ARID1A: variants seen among roughly 807,000 people sequenced by gnomAD.
ARID1A encodes AT-rich interactive domain-containing protein 1A.
ARID1A carries 20 observed loss-of-function variants against 212.6 expected under a neutral mutation model. That is an observed-to-expected ratio of 0.09 (90% CI 0.07 to 0.14). The LOEUF is 0.14. ARID1A is among the 10% of genes least tolerant of loss of function. The pLI, the probability that ARID1A is intolerant of heterozygous loss-of-function variation, is 1.00. For synonymous variants in ARID1A, 1,376 were observed against 1,222.1 expected, an observed-to-expected ratio of 1.13 and a Z score of -2.63; for missense variants, 2,587 against 3,059.0, an observed-to-expected ratio of 0.85 and a Z score of 3.64.
intron 4 of ARID1A, among the ~76,000 whole-genome samples, chr1:26,751,036 C>T (rs999698073): frequency 1.3e-5 from 2 of 151,996 alleles, no homozygotes; most frequent in African/African-American, 4.8e-5. Context: ...GGGTGGATCA[C>T]TTGAGGTCAG....
At position 26,771,569 on chromosome 1, in the gene ARID1A, G is replaced by A; in HGVS notation, c.3406+243G>A. ...TTGTGCAGCTGACAACTTGCCAAAT[G>A]TTTGTAAACTGGTGAATGGGAGGGG... On this transcript the variant is annotated intron_variant, in intron 12 of 19. Transcript: ENST00000324856. This position sits in a 1 kb window ranked among gnomAD's most constrained non-coding sequence, Gnocchi z 5.4. The A allele has an allele frequency of 1.8e-6, 1 of 543,012 alleles. No individual in the cohort carries two copies. The highest frequency in any genetic ancestry group is 3.3e-6 in the Non-Finnish European group (1 of 304,206). The allele number at this position is 543,012 out of a possible 1,614,324, so 33.6% of individuals were successfully genotyped here.
At position 26,762,277 on chromosome 1, in the gene ARID1A, A is replaced by C. The variant is rs372272181; in HGVS notation, c.2377A>C (p.Met793Leu). Reference sequence around the variant, plus strand: ...CATGGGCTCCTACCAGCAGAACTCCATGGGGAGCTATGGTCCCCAGGGGGG... The same window carrying C: ...CATGGGCTCCTACCAGCAGAACTCCCTGGGGAGCTATGGTCCCCAGGGGGG... Reference protein sequence around the residue: ...TGMGSYQQNSMGSYGPQGGQY... With the variant: ...TGMGSYQQNSLGSYGPQGGQY... Residue 793 changes from methionine to leucine, a missense_variant, in exon 7 of 20, where the codon ATG (methionine) becomes CTG (leucine). Around this residue, in one of 11 missense-constraint regions of ARID1A, gnomAD observed 674 missense variants for 813.4 expected, o/e 0.83. Coordinates refer to ENST00000324856, the MANE Select transcript of ARID1A (RefSeq NM_006015.6). 6.2e-7 allele frequency: 1 copy of C among 1,614,160 alleles called. No individual in the cohort carries two copies. The highest frequency in any genetic ancestry group is 2.2e-5 in the East Asian group (1 of 44,884).
At chr1:26,775,908 AAC>A (rs1479470415) in intron 19 of ARID1A, 1 of 786,858 alleles carries the variant, frequency 1.3e-6, no homozygotes, top group Admixed American at 2.0e-5. Flanking sequence ...TGATAACCTT[AAC>A]ACAGGATTGA....
At chr1:26,776,727 T>C (rs2081140082) in intron 19 of ARID1A, among the ~76,000 whole-genome samples, 3 of 152,190 alleles carry the variant, frequency 2.0e-5, no homozygotes, top group Non-Finnish European at 4.4e-5. Context: ...GGAGCTGACT[T>C]ATTAATAGTT....
At chr1:26,776,420 C>T (rs1051992372) in intron 19 of ARID1A, among the ~76,000 whole-genome samples, 3 of 151,766 alleles carry the variant, frequency 2.0e-5, no homozygotes, top group Non-Finnish European at 4.4e-5. Context: ...ACTACAGGCG[C>T]CCGCCACCAC....
chr1:26,716,551 C>G (rs990676904), intron 1 of ARID1A, among the ~76,000 whole-genome samples: 3 of 152,060 alleles, frequency 2.0e-5, no homozygotes, highest in Non-Finnish European at 4.4e-5. Flanking sequence ...CCTCTAGGGT[C>G]AAGTTTTATA....
chr1:26,747,764 C>T (rs1483029557), intron 4 of ARID1A, among the ~76,000 whole-genome samples: 3 of 151,796 alleles, frequency 2.0e-5, no homozygotes, highest in Non-Finnish European at 2.9e-5. Flanking sequence ...GCAGGAGGAT[C>T]GCTTGAGCCC....
chr1:26,781,760 C>T lies in ARID1A; in HGVS notation c.*1004C>T, dbSNP rs994071818. On this transcript the variant is annotated 3_prime_UTR_variant, in exon 20 of 20. Coordinates refer to ENST00000324856, the MANE Select transcript of ARID1A (RefSeq NM_006015.6). ...TATTTAATCTCTTGCCAGATATCGC[C>T]CCTCTTGGTGCGATGCTGTACAGGT... 3 of 233,594 alleles carry T rather than the reference C, an allele frequency of 1.3e-5. No individual in the cohort carries two copies. The highest frequency in any genetic ancestry group is 2.2e-5 in the African/African-American group (1 of 45,342). 14.5% of individuals were successfully genotyped at this position (233,594 alleles called of 1,614,324 possible). A position where few individuals can be genotyped will look rare whatever the true frequency, so the allele number is the denominator to read the frequency against.
chr1:26,721,463 A>G (rs12756102), intron 1 of ARID1A, among the ~76,000 whole-genome samples: 9,070 of 152,188 alleles, frequency 0.06, 330 homozygotes, highest in Non-Finnish European at 0.08. Context: ...CGGCCTCCCA[A>G]AGTGCTGGGA....
At chr1:26,710,520 C>CACACACACACAT (rs1205603939) in intron 1 of ARID1A, among the ~76,000 whole-genome samples, 1 of 151,488 alleles carries the variant, frequency 6.6e-6, no homozygotes, top group East Asian at 1.9e-4. Flanking sequence ...CACACACACA[C>CACACACACACAT]ACACACACCA....
chr1:26,696,866 G>A lies in ARID1A; in HGVS notation c.463G>A (p.Gly155Ser), dbSNP rs772815173. ...AGCCTACGGCTTCGGGCAACCCTAC[G>A]GCCGGAGCCCGTCTGCCGTCGCCGC... ...PPAYGFGQPY[G>S]RSPSAVAAAA... The change falls in exon 1 of 20, where the codon GGC (glycine) becomes AGC (serine). Residue 155 changes from glycine (G) to serine (S), a missense_variant. By Grantham distance (56) the Gly-to-Ser change is moderately conservative. Around this residue, in one of 11 missense-constraint regions of ARID1A, gnomAD observed 735 missense variants for 590.6 expected, o/e 1.24. Transcript: ENST00000324856. 13 of 1,353,072 alleles carry A rather than the reference G, an allele frequency of 9.6e-6. No homozygotes were observed. In the South Asian group the frequency reaches 2.0e-4, roughly 20 times the overall value. The allele number at this position is 1,353,072 out of a possible 1,614,324, so 83.8% of individuals were successfully genotyped here.
intron 1 of ARID1A, among the ~76,000 whole-genome samples, chr1:26,720,992 T>C (rs752845131): frequency 6.6e-6 from 1 of 152,166 alleles, no homozygotes; most frequent in Non-Finnish European, 1.5e-5. Flanking sequence ...GTTGATTGTC[T>C]TGACCACTCC....
intron 4 of ARID1A, among the ~76,000 whole-genome samples, chr1:26,745,327 C>T (rs1333502991): frequency 6.6e-6 from 1 of 152,122 alleles, no homozygotes; most frequent in African/African-American, 2.4e-5. Context: ...AACCAGCACC[C>T]AGTTAAGTGG....
chr1:26,748,902 C>T (rs571890895), intron 4 of ARID1A, among the ~76,000 whole-genome samples: 4 of 152,104 alleles, frequency 2.6e-5, no homozygotes, highest in Admixed American at 6.5e-5. Flanking sequence ...CAGTGGCTCA[C>T]GCCTGTAATC....
intron 4 of ARID1A, among the ~76,000 whole-genome samples, chr1:26,760,300 A>C (rs1384534883): frequency 1.3e-5 from 2 of 152,206 alleles, no homozygotes; most frequent in Non-Finnish European, 2.9e-5. Context: ...ATAGTGTCAG[A>C]GTTGAGTAGT....
At chr1:26,716,082 C>T (rs529480255) in intron 1 of ARID1A, among the ~76,000 whole-genome samples, 2 of 150,858 alleles carry the variant, frequency 1.3e-5, no homozygotes, top group Admixed American at 6.6e-5. Context: ...GGTGCATGCC[C>T]GTAATCCCAG....
rs375147084 is a variant in ARID1A at position 26,774,336 on chromosome 1, A to G, written c.4109A>G (p.Lys1370Arg). The G allele has an allele frequency of 3.9e-6, 6 of 1,535,114 alleles. No homozygotes were observed. The African/African-American group carries it at 5.5e-5, about 14-fold the overall frequency. The change falls in exon 18 of 20, where the codon AAG becomes AGG. Residue 1370 changes from lysine to arginine, a missense_variant. This residue lies in a region of ARID1A where 890 missense variants were observed against 1,098.2 expected (regional missense o/e 0.81). Coordinates refer to ENST00000324856, the MANE Select transcript of ARID1A (RefSeq NM_006015.6). The surrounding 1 kb of genome is among the most constrained non-coding windows in gnomAD (Gnocchi z 5.6). The stretch of plus-strand genomic sequence containing the variant: ...TGCTTGTCTCTGCCTTAGAATTACA[A>G]GCGGCCAATGGATGGCACATATGGC... ...TMYQQQQQNY[K>R]RPMDGTYGPP...
In ARID1A at chr1:26,745,613, G is replaced by A. The variant is rs531576265; in HGVS notation, c.1920+12821G>A. On this transcript the variant is annotated intron_variant, in intron 4 of 19. Transcript: ENST00000324856. ...TCCCACCCCCAACTTTACATATGAC[G>A]AACCTAAGGCCCAGAAAGGGCAAGA... Among the ~76,000 whole-genome samples the A allele has an allele frequency of 4.6e-5, 7 of 151,820 alleles. No homozygotes were observed. The East Asian group carries it at 9.7e-4, about 21-fold the overall frequency.
chr1:26,779,688 A>G lies in ARID1A; in HGVS notation c.5790A>G (p.Ser1930=), dbSNP rs768391744. The G allele has an allele frequency of 1.2e-6, 2 of 1,614,138 alleles. No homozygotes were observed. Among genetic ancestry groups the G allele is most frequent in the East Asian group, 4.5e-5 (2 of 44,884 alleles). Residue 1930 remains serine (S), a synonymous_variant, in exon 20 of 20, where the codon TCA becomes TCG. Coordinates refer to ENST00000324856, the MANE Select transcript of ARID1A (RefSeq NM_006015.6). The stretch of plus-strand genomic sequence containing the variant: ...TGACCGAGGATGGAGCTAAGAGTTC[A>G]GAGGCCATCAAGGAGAGCAGCAAGT... The part of the protein sequence containing the change: ...STLTEDGAKS[S]EAIKESSKFP...
Sources: gnomAD v4.1 joint callset for allele counts (sites outside exome capture counted in the v4.1 genomes callset) on GRCh38, gnomAD v4.1.1 for gene constraint, gnomAD v4.1.1 regional missense constraint, Gnocchi (gnomAD v3.1) non-coding constraint, MANE v1.5 for transcripts, NCBI Gene and HGNC (gene_info 2026-07-23, HGNC 2026-07-21) for gene names.